GDAP2: variants seen among roughly 807,000 people sequenced by gnomAD.
The protein encoded by GDAP2 is ganglioside induced differentiation associated protein 2.
A neutral mutation model predicts 67.0 loss-of-function variants in GDAP2; 51 were observed. The observed-to-expected ratio is 0.76, with a 90% CI of 0.61 to 0.96. GDAP2 has a LOEUF of 0.96. Among genes scored for constraint, GDAP2 ranks in the 40% least tolerant of loss-of-function variants. The pLI, the probability that GDAP2 is intolerant of heterozygous loss-of-function variation, is 0.00. For synonymous variants in GDAP2, 203 were observed against 207.3 expected (o/e 0.98, Z 0.18); for missense variants, 547 against 588.3 (o/e 0.93, Z 0.73).
intron 13 of GDAP2, among the ~76,000 whole-genome samples, chr1:117,876,830 T>C (rs1001586515): frequency 2.6e-5 from 4 of 152,208 alleles, no homozygotes; most frequent in Non-Finnish European, 5.9e-5. Context: ...ACCCAACTTA[T>C]ATATTTCTAT....
At chr1:117,910,744 G>A (rs987652722) in intron 5 of GDAP2, among the ~76,000 whole-genome samples, 2 of 152,134 alleles carry the variant, frequency 1.3e-5, no homozygotes, top group African/African-American at 2.4e-5. Context: ...CTGCATGAAT[G>A]TTCCTAGTGA....
At chr1:117,920,116 A>T in intron 2 of GDAP2, 66 bp downstream of exon 2, 1 of 906,432 alleles carries the variant, frequency 1.1e-6, no homozygotes, top group Non-Finnish European at 1.7e-6. Flanking sequence ...GGGCTTTAAA[A>T]AAGAGGTTAG....
At chr1:117,890,054 G>A (rs925384027) in intron 8 of GDAP2, among the ~76,000 whole-genome samples, 2 of 152,074 alleles carry the variant, frequency 1.3e-5, no homozygotes, top group Non-Finnish European at 2.9e-5. Flanking sequence ...TGAGTTTAAG[G>A]TTGCATATGT....
intron 1 of GDAP2, among the ~76,000 whole-genome samples, chr1:117,926,867 G>A (rs964549295): frequency 7.9e-5 from 12 of 152,150 alleles, no homozygotes; most frequent in African/African-American, 2.7e-4. Context: ...AGGAGGAGAA[G>A]GCTCCTACAC....
At chr1:117,926,921 G>A (rs957504077) in intron 1 of GDAP2, among the ~76,000 whole-genome samples, 1 of 152,004 alleles carries the variant, frequency 6.6e-6, no homozygotes, top group Non-Finnish European at 1.5e-5. Flanking sequence ...TAACATTAAA[G>A]GAGAGCAAGA....
At chr1:117,894,596 C>T (rs1352321615) in intron 8 of GDAP2, among the ~76,000 whole-genome samples, 1 of 152,158 alleles carries the variant, frequency 6.6e-6, no homozygotes, top group Non-Finnish European at 1.5e-5. Flanking sequence ...TGGAAGAACA[C>T]ATAAAGTACT....
intron 1 of GDAP2, among the ~76,000 whole-genome samples, chr1:117,921,619 T>C (rs1650258470): frequency 6.6e-6 from 1 of 152,146 alleles, no homozygotes; most frequent in African/African-American, 2.4e-5. Context: ...TGGTAGGTGA[T>C]GAGGTTGGTA....
At chr1:117,918,001 C>T (rs1372490890) in intron 3 of GDAP2, among the ~76,000 whole-genome samples, 1 of 152,064 alleles carries the variant, frequency 6.6e-6, no homozygotes, top group Non-Finnish European at 1.5e-5. Context: ...TTCATAGAGC[C>T]AGCACTTATC....
At position 117,926,764 on chromosome 1, in the gene GDAP2, T is replaced by A. The variant is rs566188545; in HGVS notation, c.-68+2684A>T. Among the ~76,000 whole-genome samples the A allele has an allele frequency of 1.7e-4, 26 of 152,284 alleles. 1 individual carries two copies. Among genetic ancestry groups the A allele is most frequent in the Non-Finnish European group, 3.4e-4 (23 of 68,014 alleles). On this transcript the variant is annotated intron_variant, in intron 1 of 13. Coordinates refer to ENST00000369443, the MANE Select transcript of GDAP2 (RefSeq NM_017686.4). ...ACAGATCCTTTCACTCCCCAGAATA[T>A]TTGTATATGAGCTCATACAAGTAGA...
chr1:117,927,868 A>C (rs2101178840), intron 1 of GDAP2, among the ~76,000 whole-genome samples: 1 of 152,312 alleles, frequency 6.6e-6, no homozygotes, highest in South Asian at 2.1e-4. Flanking sequence ...TATTAAATGA[A>C]CTGCACTATG....
At chr1:117,886,713 T>C in intron 9 of GDAP2, 60 bp from the exon 10 acceptor site, 1 of 872,724 alleles carries the variant, frequency 1.1e-6, no homozygotes, top group Admixed American at 1.7e-5. Context: ...CTATTTGTCT[T>C]GGGCTCTGAC....
At chr1:117,870,654 A>G (rs111265363) in intron 13 of GDAP2, 38 bp from the exon 14 acceptor site, 1 of 1,324,156 alleles carries the variant, frequency 7.6e-7, no homozygotes, top group Non-Finnish European at 1.1e-6. Context: ...TTTAAGTAAC[A>G]GAACCAATTT....
intron 3 of GDAP2, among the ~76,000 whole-genome samples, chr1:117,915,475 T>G (rs1650019737): frequency 6.6e-6 from 1 of 152,144 alleles, no homozygotes; most frequent in Admixed American, 6.5e-5. Flanking sequence ...CAAAGGACAT[T>G]TTTGGATCAG....
At chr1:117,906,285 A>G (rs1037179475) in intron 6 of GDAP2, among the ~76,000 whole-genome samples, 1 of 152,204 alleles carries the variant, frequency 6.6e-6, no homozygotes, top group African/African-American at 2.4e-5. Context: ...ACTTACAGCA[A>G]CAACAGTTAT....
intron 3 of GDAP2, among the ~76,000 whole-genome samples, chr1:117,917,321 G>T (rs1650083321): frequency 6.6e-6 from 1 of 152,098 alleles, no homozygotes; most frequent in African/African-American, 2.4e-5. Flanking sequence ...TGTAAAAAGG[G>T]GATAGGATTA....
chr1:117,887,975 T>C (rs1290739062), intron 8 of GDAP2, among the ~76,000 whole-genome samples: 2 of 152,138 alleles, frequency 1.3e-5, no homozygotes, highest in Non-Finnish European at 2.9e-5. Flanking sequence ...AATGAATTAT[T>C]GAGAAAGGAA....
chr1:117,887,721 G>A lies in GDAP2; in HGVS notation c.1007C>T (p.Ser336Phe), dbSNP rs145983918. 5.7e-5 allele frequency: 89 copies of A among 1,572,838 alleles called. No individual in the cohort carries two copies. The highest frequency in any genetic ancestry group is 7.3e-5 in the Non-Finnish European group (83 of 1,143,118). Residue 336 changes from serine to phenylalanine, a missense_variant, in exon 9 of 14, where the codon TCT becomes TTT. Physicochemically the swap from Ser to Phe is radical, Grantham distance 155. Coordinates refer to ENST00000369443, the MANE Select transcript of GDAP2 (RefSeq NM_017686.4). ...ARSEDLSDIA[S>F]LKALYQTGVD... Reference sequence around the variant, plus strand: ...ACCTGTTTGGTATAAGGCTTTTAGAGAAGCAATATCAGACAGATCCTCAGA... The same window carrying A: ...ACCTGTTTGGTATAAGGCTTTTAGAAAAGCAATATCAGACAGATCCTCAGA...
chr1:117,907,770 C>T (rs988753957), intron 5 of GDAP2, among the ~76,000 whole-genome samples: 16 of 152,074 alleles, frequency 1.1e-4, no homozygotes, highest in African/African-American at 3.6e-4. Context: ...GTCTTTTTTC[C>T]GCAAGTCTAC....
chr1:117,894,284 T>C (rs1181419022), intron 8 of GDAP2, among the ~76,000 whole-genome samples: 1 of 152,140 alleles, frequency 6.6e-6, no homozygotes, highest in Non-Finnish European at 1.5e-5. Flanking sequence ...TGAGCCACCA[T>C]GTCTGGCCAA....
Sources: allele counts gnomAD v4.1 joint callset (sites outside exome capture counted in the v4.1 genomes callset), GRCh38; gene constraint gnomAD v4.1.1; transcripts MANE v1.5; gene names NCBI Gene and HGNC (gene_info 2026-07-23, HGNC 2026-07-21).